EPHA5: variants seen among roughly 807,000 people sequenced by gnomAD.
EPHA5 encodes the protein EPH receptor A5.
In EPHA5, 60 loss-of-function variants were observed where a neutral mutation model predicts 105.0. The observed-to-expected ratio is 0.57, with a 90% CI of 0.46 to 0.71. The LOEUF (loss-of-function observed/expected upper bound fraction) is 0.71. Ranked by LOEUF, EPHA5 falls within the 30% of genes least tolerant of loss-of-function variation. EPHA5 has a pLI of 0.00. For synonymous variants in EPHA5, 513 were observed against 449.1 expected (o/e 1.14, Z -1.80); for missense variants, 1,218 against 1,274.7 (o/e 0.96, Z 0.68).
chr4:65,368,416 T>TCTTTTC (rs1243452187), intron 8 of EPHA5, among the ~76,000 whole-genome samples: 1 of 152,140 alleles, frequency 6.6e-6, no homozygotes, highest in Non-Finnish European at 1.5e-5. Context: ...TAGTCTGCCT[T>TCTTTTC]CTTTTCCTGT....
intron 2 of EPHA5, among the ~76,000 whole-genome samples, chr4:65,637,629 G>A (rs898154166): frequency 2.2e-5 from 3 of 136,300 alleles, no homozygotes; most frequent in Non-Finnish European, 4.8e-5. Flanking sequence ...AAACCTTATG[G>A]AGTGGTGGTT....
rs1463492769 is a variant in EPHA5 at position 65,323,860 on chromosome 4, G to A, written c.*254C>T. The A allele has an allele frequency of 6.5e-6, 2 of 306,946 alleles. No individual in the cohort carries two copies. Among genetic ancestry groups the A allele is most frequent in the South Asian group, 8.1e-5 (1 of 12,280 alleles). 19.0% of individuals were successfully genotyped at this position (306,946 alleles called of 1,614,324 possible). A position where few individuals can be genotyped will look rare whatever the true frequency, so the allele number is the denominator to read the frequency against. ...AAGTAGTGGGAAGGATTCTGTTGTT[G>A]TAACTTAAGATGATGTCTAACTTCA... On this transcript the variant is annotated 3_prime_UTR_variant, in exon 17 of 17. Coordinates refer to ENST00000613740, the MANE Select transcript of EPHA5 (RefSeq NM_001281766.3).
At chr4:65,522,369 A>T (rs971271783) in intron 3 of EPHA5, among the ~76,000 whole-genome samples, 4 of 148,234 alleles carry the variant, frequency 2.7e-5, no homozygotes, top group Non-Finnish European at 5.9e-5. Context: ...CTCAAAGTCA[A>T]CTTCTTGGGT....
intron 5 of EPHA5, among the ~76,000 whole-genome samples, chr4:65,467,200 T>A (rs1176914111): frequency 6.6e-6 from 1 of 152,078 alleles, no homozygotes; most frequent in South Asian, 2.1e-4. Flanking sequence ...AAAGATAGGG[T>A]GCCAGCCAGT....
chr4:65,658,931 A>G (rs1050619234), intron 1 of EPHA5, among the ~76,000 whole-genome samples: 3 of 152,110 alleles, frequency 2.0e-5, no homozygotes, highest in Non-Finnish European at 4.4e-5. Context: ...TATGAGATTC[A>G]TGTGGAATAC....
intron 1 of EPHA5, among the ~76,000 whole-genome samples, chr4:65,652,602 C>T (rs1164869191): frequency 1.3e-5 from 2 of 152,094 alleles, no homozygotes; most frequent in African/African-American, 4.8e-5. Flanking sequence ...ATCATACTCG[C>T]CCCAACGTTT....
chr4:65,479,048 T>C (rs1388937484), intron 5 of EPHA5, among the ~76,000 whole-genome samples: 1 of 152,188 alleles, frequency 6.6e-6, no homozygotes, highest in Non-Finnish European at 1.5e-5. Context: ...ATAATATTCA[T>C]GAAGTCTAAA....
chr4:65,623,413 G>T (rs969315458), intron 2 of EPHA5, among the ~76,000 whole-genome samples: 1 of 151,630 alleles, frequency 6.6e-6, no homozygotes, highest in African/African-American at 2.4e-5. Flanking sequence ...TACTCACTAT[G>T]CTGTGGAGAC....
At chr4:65,367,567 T>C (rs1355112139) in intron 8 of EPHA5, 143 bp from the exon 9 acceptor site, 1 of 702,188 alleles carries the variant, frequency 1.4e-6, no homozygotes, top group African/African-American at 1.8e-5. Flanking sequence ...CCAATACTAG[T>C]AGTTTGGATG....
intron 8 of EPHA5, among the ~76,000 whole-genome samples, chr4:65,396,302 A>G (rs7683477): frequency 0.17 from 26,136 of 152,160 alleles, 2,417 homozygotes; most frequent in Middle Eastern, 0.24. Flanking sequence ...ACTTAAGGCT[A>G]ATTAAGGGGA....
chr4:65,360,770 AC>A (rs1264299127), intron 11 of EPHA5, among the ~76,000 whole-genome samples: 2 of 151,692 alleles, frequency 1.3e-5, no homozygotes, highest in Non-Finnish European at 3.0e-5. Flanking sequence ...TATCATTCTA[AC>A]TAGCTTAAGA....
At chr4:65,573,463 C>T (rs1370295555) in intron 3 of EPHA5, 12 of 1,214,848 alleles carry the variant, frequency 9.9e-6, no homozygotes, top group South Asian at 4.3e-5. Flanking sequence ...TGCAAGATGG[C>T]GGGTGAAAAA....
chr4:65,453,587 A>G (rs527959596), intron 5 of EPHA5, among the ~76,000 whole-genome samples: 190 of 152,280 alleles, frequency 1.2e-3, no homozygotes, highest in South Asian at 3.5e-3. Context: ...TTCATCTGGT[A>G]TATGACCTTC....
At chr4:65,392,079 T>G (rs149339247) in intron 8 of EPHA5, among the ~76,000 whole-genome samples, 5 of 152,156 alleles carry the variant, frequency 3.3e-5, no homozygotes, top group African/African-American at 4.8e-5. Context: ...GACGGTTTAC[T>G]TCCCACAGTG....
intron 14 of EPHA5, among the ~76,000 whole-genome samples, chr4:65,336,344 C>T (rs551295134): frequency 1.0e-3 from 152 of 152,004 alleles, no homozygotes; most frequent in African/African-American, 3.5e-3. Flanking sequence ...GCTTTCTTCA[C>T]GTATTATAAA....
At chr4:65,497,094 T>C (rs1732020573) in intron 3 of EPHA5, among the ~76,000 whole-genome samples, 1 of 152,192 alleles carries the variant, frequency 6.6e-6, no homozygotes, top group Admixed American at 6.6e-5. Context: ...TTGAGTGCTT[T>C]GTACAGCTTA....
At chr4:65,515,657 T>A (rs1183573640) in intron 3 of EPHA5, among the ~76,000 whole-genome samples, 1 of 152,184 alleles carries the variant, frequency 6.6e-6, no homozygotes, top group Non-Finnish European at 1.5e-5. Flanking sequence ...ACACAATCTA[T>A]TTTGTTATAT....
intron 8 of EPHA5, among the ~76,000 whole-genome samples, chr4:65,390,771 C>G (rs1024494747): frequency 6.6e-6 from 1 of 151,842 alleles, no homozygotes; most frequent in East Asian, 1.9e-4. Context: ...TGAAAGCAGA[C>G]ATAACTAATA....
chr4:65,530,358 T>C (rs985566742), intron 3 of EPHA5, among the ~76,000 whole-genome samples: 1 of 152,004 alleles, frequency 6.6e-6, no homozygotes, highest in African/African-American at 2.4e-5. Flanking sequence ...AAACTTAAAA[T>C]CCAATTGGCA....
Sources: allele counts gnomAD v4.1 joint callset (sites outside exome capture counted in the v4.1 genomes callset), GRCh38; gene constraint gnomAD v4.1.1; transcripts MANE v1.5; gene names NCBI Gene and HGNC (gene_info 2026-07-23, HGNC 2026-07-21).